HIP1: variants seen among roughly 807,000 people sequenced by gnomAD.
The protein encoded by HIP1 is huntingtin interacting protein 1.
In HIP1, 65 loss-of-function variants were observed where a neutral mutation model predicts 147.6. That is an observed-to-expected ratio of 0.44 (90% confidence interval 0.36 to 0.54). The LOEUF (loss-of-function observed/expected upper bound fraction) is 0.54. Among genes scored for constraint, HIP1 ranks in the 20% least tolerant of loss-of-function variants. The pLI is 0.00. For missense variants in HIP1, 1,061 were observed against 1,299.6 expected (o/e 0.82, Z 2.82); for synonymous variants, 479 against 504.0 (o/e 0.95, Z 0.67).
chr7:75,636,920 G>A (rs1299753606), intron 1 of HIP1, among the ~76,000 whole-genome samples: 5 of 152,136 alleles, frequency 3.3e-5, no homozygotes, highest in African/African-American at 1.2e-4. Flanking sequence ...CCAGCCAAAT[G>A]TCTTCAGCCT....
intron 1 of HIP1, among the ~76,000 whole-genome samples, chr7:75,732,085 A>G (rs1425336796): frequency 6.6e-6 from 1 of 152,042 alleles, no homozygotes; most frequent in East Asian, 1.9e-4. Flanking sequence ...CAACGTAAAC[A>G]TGAAAAAAAG....
At chr7:75,595,244 C>CTT (rs782325288) in intron 2 of HIP1, among the ~76,000 whole-genome samples, 121 of 112,800 alleles carry the variant, frequency 1.1e-3, no homozygotes, top group African/African-American at 4.4e-3. Context: ...TTCTTTCTTT[C>CTT]TTTCTTTCTT....
At chr7:75,735,677 C>CTTTTCTTTTCT (rs1563320991) in intron 1 of HIP1, among the ~76,000 whole-genome samples, 4 of 150,942 alleles carry the variant, frequency 2.7e-5, no homozygotes. Flanking sequence ...CTTTTCTTTT[C>CTTTTCTTTTCT]TTTTCTTTTT....
chr7:75,585,411 G>C (rs1796222132), intron 5 of HIP1, among the ~76,000 whole-genome samples: 1 of 152,022 alleles, frequency 6.6e-6, no homozygotes, highest in Non-Finnish European at 1.5e-5. Context: ...CCAGACCTCA[G>C]ACGATCCGCC....
In HIP1 at chr7:75,566,031, T is replaced by G. The variant is rs587751448; in HGVS notation, c.803+2168A>C. Among the ~76,000 whole-genome samples the G allele has an allele frequency of 5.3e-5, 8 of 149,734 alleles. 1 individual carries two copies. Among genetic ancestry groups the G allele is most frequent in the African/African-American group, 2.0e-4 (8 of 39,858 alleles). ...ACCCAGCCTAAGTAAAGATCTTTTG[T>G]TTTTGTTTTTGTTTTGAGATGGAAT... On this transcript the variant is annotated intron_variant, in intron 9 of 30. Transcript: ENST00000336926.
chr7:75,663,243 T>A (rs1350239651), intron 1 of HIP1, among the ~76,000 whole-genome samples: 1 of 152,178 alleles, frequency 6.6e-6, no homozygotes, highest in Non-Finnish European at 1.5e-5. Flanking sequence ...ACAGCGTCTT[T>A]GCTCTCCAGA....
intron 9 of HIP1, among the ~76,000 whole-genome samples, chr7:75,567,750 G>A (rs587718918): frequency 2.7e-5 from 4 of 146,410 alleles, no homozygotes; most frequent in South Asian, 4.1e-4. Flanking sequence ...GCAGTGAGCC[G>A]AGATCGTGCC....
At chr7:75,730,663 A>T (rs117118837) in intron 1 of HIP1, among the ~76,000 whole-genome samples, 1 of 151,498 alleles carries the variant, frequency 6.6e-6, no homozygotes, top group East Asian at 2.0e-4. Flanking sequence ...TAATTCATAC[A>T]TGTGTTGCAA....
chr7:75,682,115 C>T (rs1268670224), intron 1 of HIP1, among the ~76,000 whole-genome samples: 2 of 147,286 alleles, frequency 1.4e-5, no homozygotes, highest in African/African-American at 5.0e-5. Flanking sequence ...CACACCACCA[C>T]ACCCAGCTAA....
chr7:75,666,778 C>T (rs1279069004), intron 1 of HIP1, among the ~76,000 whole-genome samples: 2 of 152,100 alleles, frequency 1.3e-5, no homozygotes, highest in Non-Finnish European at 2.9e-5. Flanking sequence ...CACCTGGGAC[C>T]AGAGGAAAGA....
intron 1 of HIP1, among the ~76,000 whole-genome samples, chr7:75,647,236 A>C (rs1776166245): frequency 7.1e-6 from 1 of 140,614 alleles, no homozygotes; most frequent in African/African-American, 2.8e-5. Flanking sequence ...AAAAAAAAAA[A>C]AAAAAAAAAA....
chr7:75,629,546 CTTT>C (rs58993055), intron 1 of HIP1, among the ~76,000 whole-genome samples: 14 of 145,654 alleles, frequency 9.6e-5, no homozygotes, highest in Non-Finnish European at 1.1e-4. Context: ...CCCCGCTTTT[CTTT>C]TTTTTTTTTT....
chr7:75,559,339 C>T (rs1795135627), intron 14 of HIP1, among the ~76,000 whole-genome samples: 1 of 152,088 alleles, frequency 6.6e-6, no homozygotes, highest in African/African-American at 2.4e-5. Context: ...TGGTCTTGAA[C>T]TCCTGGCCTC....
At chr7:75,641,660 G>A (rs549987952) in intron 1 of HIP1, among the ~76,000 whole-genome samples, 2 of 151,750 alleles carry the variant, frequency 1.3e-5, no homozygotes, top group South Asian at 4.2e-4. Context: ...CCCAGCCCCG[G>A]CTAATTTTGT....
chr7:75,575,280 G>T (rs587611788), intron 7 of HIP1, among the ~76,000 whole-genome samples: 278 of 152,108 alleles, frequency 1.8e-3, no homozygotes, highest in Middle Eastern at 3.4e-3. Context: ...GGCCAACATG[G>T]CAAAACCCTG....
At chr7:75,652,699 A>C (rs13229246) in intron 1 of HIP1, among the ~76,000 whole-genome samples, 22,103 of 151,908 alleles carry the variant, frequency 0.15, 2,067 homozygotes, top group Middle Eastern at 0.22. Flanking sequence ...AAAAAAAAAA[A>C]CTCGTTTATA....
intron 25 of HIP1, among the ~76,000 whole-genome samples, chr7:75,545,799 C>T (rs189921779): frequency 6.7e-6 from 1 of 149,946 alleles, no homozygotes; most frequent in African/African-American, 2.5e-5. Flanking sequence ...CAAAAATTAG[C>T]TGGGCGTGGT....
chr7:75,651,460 C>CAAAAAAAAAAAA (rs1168846001), intron 1 of HIP1, among the ~76,000 whole-genome samples: 17 of 44,130 alleles, frequency 3.9e-4, no homozygotes, highest in African/African-American at 8.9e-4. Flanking sequence ...CTCCATATCT[C>CAAAAAAAAAAAA]AAAAAAAAAA....
intron 1 of HIP1, among the ~76,000 whole-genome samples, chr7:75,661,291 G>A (rs1554513556): frequency 1.4e-5 from 2 of 144,972 alleles, no homozygotes; most frequent in South Asian, 2.2e-4. Context: ...AAAAAAAAAA[G>A]GCCAGGTACA....
Sources: allele counts gnomAD v4.1 joint callset (sites outside exome capture counted in the v4.1 genomes callset), GRCh38; gene constraint gnomAD v4.1.1; transcripts MANE v1.5; gene names NCBI Gene and HGNC (gene_info 2026-07-23, HGNC 2026-07-21).